The following SLC6A20 variants were observed in gnomAD, a reference collection of about 807,000 sequenced individuals.
The protein encoded by SLC6A20 is sodium- and chloride-dependent transporter XTRP3.
SLC6A20 carries 73 observed loss-of-function variants against 64.3 expected under a neutral mutation model. The ratio of observed to expected loss-of-function variants is 1.14; its 90% CI spans 0.94 to 1.38. SLC6A20 has a LOEUF of 1.38. Among genes scored for constraint, SLC6A20 ranks in the 40% most tolerant of loss-of-function variants. The probability of loss-of-function intolerance (pLI) is 0.00; values close to 1 mark genes in which losing one functional copy is unlikely to be tolerated. For synonymous variants in SLC6A20, 347 were observed against 329.6 expected (o/e 1.05, Z -0.57); for missense variants, 725 against 772.8 (o/e 0.94, Z 0.73).
At position 45,760,093 on chromosome 3, in the gene SLC6A20, T is replaced by A. The variant is rs538428582; in HGVS notation, c.1464-71A>T. 7.3e-6 allele frequency: 11 copies of A among 1,504,102 alleles called. No individual in the cohort carries two copies. In the East Asian group the frequency reaches 2.5e-4, roughly 34 times the overall value. 93.2% of individuals were successfully genotyped at this position (1,504,102 alleles called of 1,614,324 possible). A position where few individuals can be genotyped will look rare whatever the true frequency, so the allele number is the denominator to read the frequency against. ...GAGGTCAGGGCGTCCAGCTTGCCTGTCCCTATTCACAAAGGAACATTCTGT... is the reference window on the plus strand; with the variant it reads ...GAGGTCAGGGCGTCCAGCTTGCCTGACCCTATTCACAAAGGAACATTCTGT... On this transcript the variant is annotated intron_variant, in intron 9 of 10. Transcript: ENST00000358525.
In SLC6A20 at chr3:45,796,478, C is replaced by T. The variant is rs1478412814; in HGVS notation, c.-59G>A. ...GGGGTCCGGCACGGCAGTCTCAGTGCGCGGTCGCCAGGCGCGCCGTCCCAC... is the reference window on the plus strand; with the variant it reads ...GGGGTCCGGCACGGCAGTCTCAGTGTGCGGTCGCCAGGCGCGCCGTCCCAC... On this transcript the variant is annotated 5_prime_UTR_variant, in exon 1 of 11. Transcript: ENST00000358525. 3 of 1,538,502 alleles carry T rather than the reference C, an allele frequency of 1.9e-6. No homozygotes were observed. The highest frequency in any genetic ancestry group is 1.4e-5 in the African/African-American group (1 of 70,258).
chr3:45,784,587 C>G (rs370189193), intron 1 of SLC6A20, among the ~76,000 whole-genome samples: 4 of 152,030 alleles, frequency 2.6e-5, no homozygotes, highest in African/African-American at 7.2e-5. Context: ...TTGCAAAACA[C>G]GCATCTTGAG....
Position 45,765,555 on chromosome 3 carries a change from G to A in SLC6A20, c.1285C>T (p.Pro429Ser), listed in dbSNP as rs763399190. The change falls in exon 8 of 11, where the codon CCC (proline) becomes TCC (serine). Residue 429 changes from proline to serine, a missense_variant. Transcript: ENST00000358525. This position sits in a 1 kb window ranked among gnomAD's most constrained non-coding sequence, Gnocchi z 4.2. Reference sequence around the variant, plus strand: ...CGCTGACCTGAGATGGCCTCCTTGGGCAGGTGGCTGGAGATGATCTTGCTG... The same window carrying A: ...CGCTGACCTGAGATGGCCTCCTTGGACAGGTGGCTGGAGATGATCTTGCTG... ...TDSKIISSHL[P>S]KEAISGLVCL... 1 of 1,613,598 alleles carries A rather than the reference G, an allele frequency of 6.2e-7. No homozygotes were observed. Among genetic ancestry groups the A allele is most frequent in the South Asian group, 1.1e-5 (1 of 91,008 alleles).
chr3:45,764,828 G>A (rs143341618), intron 8 of SLC6A20, among the ~76,000 whole-genome samples: 68 of 152,082 alleles, frequency 4.5e-4, no homozygotes, highest in African/African-American at 1.4e-3. Flanking sequence ...TGTGGAAAAT[G>A]TTCTGTATCT....
In SLC6A20 at chr3:45,770,384, C is replaced by T; in HGVS notation, c.936-13G>A. 1.2e-6 allele frequency: 2 copies of T among 1,613,178 alleles called. No homozygotes were observed. Among genetic ancestry groups the T allele is most frequent in the Non-Finnish European group, 1.7e-6 (2 of 1,179,894 alleles). ...CAGCAGACTCACCCTGCAGAGCAGA[C>T]CATCGGATCGACCTTCACTGATCAG... On this transcript the variant is annotated splice_polypyrimidine_tract_variant and intron_variant, in intron 6 of 10. Transcript: ENST00000358525.
chr3:45,791,180 C>T (rs753147198), intron 1 of SLC6A20, among the ~76,000 whole-genome samples: 8 of 152,172 alleles, frequency 5.3e-5, no homozygotes, highest in Admixed American at 1.3e-4. Context: ...TGTAAACTTC[C>T]GTCAGCGTAG....
In SLC6A20 at chr3:45,765,454, A is replaced by G; in HGVS notation, c.1303+83T>C. On this transcript the variant is annotated intron_variant, in intron 8 of 10. Coordinates refer to ENST00000358525, the MANE Select transcript of SLC6A20 (RefSeq NM_020208.4). The surrounding 1 kb of genome is among the most constrained non-coding windows in gnomAD (Gnocchi z 4.2). ...CTGTAGCCACCTGAACCAGCCCATG[A>G]CCCCTGAGGGAGCTCTCCCCTGTTC... The G allele has an allele frequency of 6.8e-7, 1 of 1,474,972 alleles. No individual in the cohort carries two copies. Among genetic ancestry groups the G allele is most frequent in the Non-Finnish European group, 9.2e-7 (1 of 1,089,098 alleles). 91.4% of individuals were successfully genotyped at this position (1,474,972 alleles called of 1,614,324 possible). A position where few individuals can be genotyped will look rare whatever the true frequency, so the allele number is the denominator to read the frequency against.
intron 1 of SLC6A20, among the ~76,000 whole-genome samples, chr3:45,784,765 C>G (rs1445705146): frequency 1.3e-5 from 2 of 152,146 alleles, no homozygotes; most frequent in Non-Finnish European, 2.9e-5. Flanking sequence ...TTACAAAGAA[C>G]AGAAATTTAT....
chr3:45,773,328 T>G (rs1699909002), intron 4 of SLC6A20, among the ~76,000 whole-genome samples: 1 of 152,244 alleles, frequency 6.6e-6, no homozygotes, highest in South Asian at 2.1e-4. Context: ...TTCCTTAGGC[T>G]TTAACATTAC....
rs1159684214 is a variant in SLC6A20, at chr3:45,757,692, C to G, written c.*1286G>C. 1 of 163,944 alleles carries G rather than the reference C, an allele frequency of 6.1e-6. No individual in the cohort carries two copies. Among genetic ancestry groups the G allele is most frequent in the Non-Finnish European group, 1.3e-5 (1 of 77,458 alleles). 10.2% of individuals were successfully genotyped at this position (163,944 alleles called of 1,614,324 possible). ...CTTATGTCTTCCTTTTCTACACAGACACAGTAACAATCTGATCTTTCTTTT... is the reference window on the plus strand; with the variant it reads ...CTTATGTCTTCCTTTTCTACACAGAGACAGTAACAATCTGATCTTTCTTTT... On this transcript the variant is annotated 3_prime_UTR_variant, in exon 11 of 11. Coordinates refer to ENST00000358525, the MANE Select transcript of SLC6A20 (RefSeq NM_020208.4).
chr3:45,776,102 C>T (rs1317222108), intron 3 of SLC6A20, 114 bp from the exon 4 acceptor site: 1 of 1,001,864 alleles, frequency 1.0e-6, no homozygotes, highest in South Asian at 1.5e-5. Context: ...GGGTGCTGGT[C>T]CCCGAAGGGC....
At chr3:45,789,458 T>C (rs1208615105) in intron 1 of SLC6A20, among the ~76,000 whole-genome samples, 1 of 152,184 alleles carries the variant, frequency 6.6e-6, no homozygotes, top group Non-Finnish European at 1.5e-5. Flanking sequence ...TATAACAGCA[T>C]AAAACTTTAC....
chr3:45,787,321 T>C (rs1700185933), intron 1 of SLC6A20, among the ~76,000 whole-genome samples: 1 of 152,178 alleles, frequency 6.6e-6, no homozygotes, highest in African/African-American at 2.4e-5. Context: ...CTTTCAGTGC[T>C]CTGCCCAGAC....
At position 45,765,106 on chromosome 3, in the gene SLC6A20, G is replaced by A. The variant is rs995138301; in HGVS notation, c.1303+431C>T. Among the ~76,000 whole-genome samples, 6 of 151,682 alleles carry A rather than the reference G, an allele frequency of 4.0e-5. No individual in the cohort carries two copies. The highest frequency in any genetic ancestry group is 5.9e-5 in the Non-Finnish European group (4 of 67,836). On this transcript the variant is annotated intron_variant, in intron 8 of 10. Transcript: ENST00000358525. This position sits in a 1 kb window ranked among gnomAD's most constrained non-coding sequence, Gnocchi z 4.2. Reference sequence around the variant, plus strand: ...CGTGCACCTGTAATCCCAGCTACTCGGGAGGGTGAGGCAGGAGAATCACTT... The same window carrying A: ...CGTGCACCTGTAATCCCAGCTACTCAGGAGGGTGAGGCAGGAGAATCACTT...
intron 1 of SLC6A20, among the ~76,000 whole-genome samples, chr3:45,787,388 A>T (rs1455308881): frequency 6.6e-6 from 1 of 152,014 alleles, no homozygotes; most frequent in Non-Finnish European, 1.5e-5. Context: ...CCTTCTTGCC[A>T]TCTTGGACTC....
At position 45,796,280 on chromosome 3, in the gene SLC6A20, G is replaced by C. The variant is rs774296701; in HGVS notation, c.121+19C>G. 21 of 1,588,472 alleles carry C rather than the reference G, an allele frequency of 1.3e-5. No individual in the cohort carries two copies. The highest frequency in any genetic ancestry group is 1.8e-5 in the Admixed American group (1 of 56,494). On this transcript the variant is annotated intron_variant, in intron 1 of 10. Coordinates refer to ENST00000358525, the MANE Select transcript of SLC6A20 (RefSeq NM_020208.4). ...CGCGCACAGAGTTGGGCTGGGGCCG[G>C]GGCGCGGTGGGCACTCACCTCCGCC...
chr3:45,761,660 C>G (rs1699684731), intron 9 of SLC6A20, among the ~76,000 whole-genome samples: 1 of 152,152 alleles, frequency 6.6e-6, no homozygotes, highest in African/African-American at 2.4e-5. Context: ...GAGTTGGTCC[C>G]CTTAACACTA....
At chr3:45,794,758 G>C (rs1405429963) in intron 1 of SLC6A20, among the ~76,000 whole-genome samples, 1 of 152,082 alleles carries the variant, frequency 6.6e-6, no homozygotes, top group African/African-American at 2.4e-5. Flanking sequence ...AGGTATCATG[G>C]GTAGGTCTAC....
chr3:45,780,057 G>T lies in SLC6A20; in HGVS notation c.306C>A (p.Tyr102Ter). Reference protein sequence around the residue: ...VVVSFFLSMYYNVINAWAFWY... With the variant: ...VVVSFFLSMY The stretch of plus-strand genomic sequence containing the variant: ...AGAAGGCCCAGGCGTTGATGACGTT[G>T]TAGTACATGGAGAGGAAGAAAGAGA... Residue 102 changes from tyrosine (Y) to a stop codon, truncating the protein, a stop_gained, in exon 3 of 11, where the codon TAC becomes TAA. Coordinates refer to ENST00000358525, the MANE Select transcript of SLC6A20 (RefSeq NM_020208.4). LOFTEE classifies it high-confidence loss of function. The T allele has an allele frequency of 1.2e-6, 2 of 1,604,840 alleles. No individual in the cohort carries two copies. Among genetic ancestry groups the T allele is most frequent in the South Asian group, 1.1e-5 (1 of 88,928 alleles).
Sources: allele counts gnomAD v4.1 joint callset (sites outside exome capture counted in the v4.1 genomes callset), GRCh38; gene constraint gnomAD v4.1.1; non-coding constraint Gnocchi (gnomAD v3.1); transcripts MANE v1.5; gene names NCBI Gene and HGNC (gene_info 2026-07-23, HGNC 2026-07-21).